SGMS1: variants seen among roughly 807,000 people sequenced by gnomAD.
SGMS1 encodes sphingomyelin synthase 1.
SGMS1 carries 13 observed loss-of-function variants against 46.2 expected under a neutral mutation model. That is an observed-to-expected ratio of 0.28 (90% CI 0.18 to 0.45). The LOEUF is 0.45. SGMS1 is among the 20% of genes least tolerant of loss of function. The pLI, the probability that SGMS1 is intolerant of heterozygous loss-of-function variation, is 1.00. For missense variants in SGMS1, 324 were observed against 519.9 expected, an observed-to-expected ratio of 0.62 and a Z score of 3.66; for synonymous variants, 203 against 187.8, an observed-to-expected ratio of 1.08 and a Z score of -0.66.
At chr10:50,590,034 C>T (rs867971267) in intron 2 of SGMS1, 119 bp downstream of exon 2, 6 of 152,236 alleles carry the variant, frequency 3.9e-5, no homozygotes, top group African/African-American at 4.8e-5. Context: ...TGGCAAAATG[C>T]TAATAACTGT....
chr10:50,365,215 T>C (rs185691041), intron 6 of SGMS1, among the ~76,000 whole-genome samples: 123 of 126,212 alleles, frequency 9.7e-4, no homozygotes, highest in African/African-American at 3.4e-3. Flanking sequence ...GTCGTGCTAC[T>C]GCACTCCAGC....
intron 1 of SGMS1, among the ~76,000 whole-genome samples, chr10:50,596,330 C>T (rs141214266): frequency 4.6e-5 from 7 of 152,224 alleles, no homozygotes; most frequent in Non-Finnish European, 1.0e-4. Flanking sequence ...GCATTCACCA[C>T]AACACCTGGC....
chr10:50,496,357 C>A (rs529270051), intron 3 of SGMS1, among the ~76,000 whole-genome samples: 49 of 152,292 alleles, frequency 3.2e-4, no homozygotes, highest in African/African-American at 1.1e-3. Context: ...TATCCTCCAG[C>A]CAAATGCCTA....
At chr10:50,624,582 G>C (rs887102515), upstream of SGMS1, 3 of 984,922 alleles carry the variant, frequency 3.0e-6, no homozygotes, top group African/African-American at 5.2e-5. Flanking sequence ...CTGCGTCAGA[G>C]CCGCCCCGCC....
chr10:50,591,717 G>A (rs1202150768), intron 1 of SGMS1, among the ~76,000 whole-genome samples: 1 of 152,208 alleles, frequency 6.6e-6, no homozygotes, highest in African/African-American at 2.4e-5. Flanking sequence ...ATTTGCTGTT[G>A]AGGATTTTCC....
intron 2 of SGMS1, among the ~76,000 whole-genome samples, chr10:50,562,533 G>T (rs1838249680): frequency 6.6e-6 from 1 of 151,988 alleles, no homozygotes; most frequent in Admixed American, 6.6e-5. Flanking sequence ...TAAATCACAG[G>T]CTAAATATTG....
chr10:50,477,215 G>A (rs567119463), intron 3 of SGMS1, among the ~76,000 whole-genome samples: 2 of 152,382 alleles, frequency 1.3e-5, no homozygotes, highest in South Asian at 4.1e-4. Flanking sequence ...TGGCATCAGT[G>A]TGGCCTGGAT....
intron 3 of SGMS1, among the ~76,000 whole-genome samples, chr10:50,473,223 T>C (rs1328266576): frequency 6.6e-6 from 1 of 152,224 alleles, no homozygotes; most frequent in African/African-American, 2.4e-5. Context: ...ACAGTAATAC[T>C]CTCTCCCTAA....
At chr10:50,440,279 T>A (rs12265262) in intron 5 of SGMS1, among the ~76,000 whole-genome samples, 1,559 of 150,654 alleles carry the variant, frequency 0.01, 22 homozygotes, top group African/African-American at 0.036. Context: ...TTAAAAAATA[T>A]ATATATATAT....
At chr10:50,624,044 G>C (rs1838886522), upstream of SGMS1, 1 of 985,306 alleles carries the variant, frequency 1.0e-6, no homozygotes, top group Admixed American at 6.1e-5. Context: ...GCGGCCGGGG[G>C]GGCGGGCCGG....
At chr10:50,467,762 A>T (rs1194811823) in intron 3 of SGMS1, among the ~76,000 whole-genome samples, 1 of 152,200 alleles carries the variant, frequency 6.6e-6, no homozygotes, top group Non-Finnish European at 1.5e-5. Flanking sequence ...ATCTGGACAA[A>T]AATAAAATGC....
chr10:50,447,153 G>A (rs1837028609), intron 5 of SGMS1, among the ~76,000 whole-genome samples: 1 of 151,960 alleles, frequency 6.6e-6, no homozygotes, highest in African/African-American at 2.4e-5. Flanking sequence ...ACAATTTAAA[G>A]GTTACTTTTA....
chr10:50,482,338 C>T (rs112917904), intron 3 of SGMS1, among the ~76,000 whole-genome samples: 1 of 152,168 alleles, frequency 6.6e-6, no homozygotes, highest in Non-Finnish European at 1.5e-5. Context: ...GGAAACCCTA[C>T]AAGCCAGAAG....
intron 6 of SGMS1, among the ~76,000 whole-genome samples, chr10:50,401,692 A>C (rs560812160): frequency 6.6e-6 from 1 of 152,362 alleles, no homozygotes; most frequent in African/African-American, 2.4e-5. Context: ...CATTTGTCAC[A>C]ATCAACATTA....
intron 4 of SGMS1, among the ~76,000 whole-genome samples, chr10:50,464,383 G>T (rs79263325): frequency 6.6e-6 from 1 of 152,180 alleles, no homozygotes; most frequent in Admixed American, 6.5e-5. Context: ...TAAAAAATAA[G>T]AACAAGGAAA....
chr10:50,580,139 T>C (rs146278100), intron 2 of SGMS1, among the ~76,000 whole-genome samples: 104 of 152,130 alleles, frequency 6.8e-4, no homozygotes, highest in African/African-American at 2.3e-3. Flanking sequence ...CCCAGCACAT[T>C]TGTGAATCCT....
At chr10:50,348,719 A>T (rs947523965) in intron 6 of SGMS1, among the ~76,000 whole-genome samples, 3 of 152,220 alleles carry the variant, frequency 2.0e-5, no homozygotes, top group African/African-American at 7.2e-5. Flanking sequence ...AAGAATCAAT[A>T]TCATGAAAAT....
At chr10:50,471,907 G>A (rs1837381929) in intron 3 of SGMS1, among the ~76,000 whole-genome samples, 1 of 152,172 alleles carries the variant, frequency 6.6e-6, no homozygotes, top group South Asian at 2.1e-4. Flanking sequence ...GCTTCTTCGC[G>A]GGCAAGAGCC....
At chr10:50,574,077 A>G (rs1187253735) in intron 2 of SGMS1, among the ~76,000 whole-genome samples, 2 of 152,226 alleles carry the variant, frequency 1.3e-5, no homozygotes, top group African/African-American at 2.4e-5. Context: ...TTCTTAGAAG[A>G]AAACACAGGG....
Sources: gnomAD v4.1 joint callset for allele counts (sites outside exome capture counted in the v4.1 genomes callset) on GRCh38, gnomAD v4.1.1 for gene constraint, MANE v1.5 for transcripts, NCBI Gene and HGNC (gene_info 2026-07-23, HGNC 2026-07-21) for gene names.